Variants in PTPRG observed in about 807,000 individuals in gnomAD.
The protein encoded by PTPRG is receptor-type tyrosine-protein phosphatase gamma.
Under a neutral mutation model 165.3 loss-of-function variants are expected in PTPRG, and 102 were observed. The observed-to-expected ratio is 0.62, with a 90% CI of 0.53 to 0.73. The LOEUF (loss-of-function observed/expected upper bound fraction) is 0.73. Among genes scored for constraint, PTPRG ranks in the 30% least tolerant of loss-of-function variants. The pLI, the probability that PTPRG is intolerant of heterozygous loss-of-function variation, is 0.00. For synonymous variants in PTPRG, 675 were observed against 669.5 expected (o/e 1.01, Z -0.13); for missense variants, 1,866 against 1,861.4 (o/e 1.00, Z -0.05).
chr3:61,820,022 A>C (rs925190759), intron 2 of PTPRG, among the ~76,000 whole-genome samples: 5 of 152,220 alleles, frequency 3.3e-5, no homozygotes, highest in Admixed American at 3.3e-4. Flanking sequence ...AAAAGAATAC[A>C]TTGGAGAAAA....
intron 2 of PTPRG, among the ~76,000 whole-genome samples, chr3:61,907,464 G>C (rs2038684679): frequency 6.6e-6 from 1 of 152,130 alleles, no homozygotes; most frequent in Admixed American, 6.5e-5. Flanking sequence ...TGTCGAATTG[G>C]TACTCACGAT....
chr3:62,008,588 T>C (rs1056702567), intron 4 of PTPRG, among the ~76,000 whole-genome samples: 4 of 152,202 alleles, frequency 2.6e-5, no homozygotes, highest in Non-Finnish European at 5.9e-5. Context: ...TGTTTTAGAA[T>C]TCAGAATCTT....
chr3:61,567,799 C>T (rs1214427410), intron 1 of PTPRG, among the ~76,000 whole-genome samples: 1 of 151,746 alleles, frequency 6.6e-6, no homozygotes, highest in Non-Finnish European at 1.5e-5. Context: ...CCATGTGCAA[C>T]ATGGTGAGAC....
At chr3:62,077,510 T>C (rs1162289708) in intron 4 of PTPRG, among the ~76,000 whole-genome samples, 1 of 152,156 alleles carries the variant, frequency 6.6e-6, no homozygotes, top group African/African-American at 2.4e-5. Context: ...GGTTAGCTTT[T>C]TGCAAAAAGG....
At chr3:61,660,085 C>T (rs1039208318) in intron 1 of PTPRG, among the ~76,000 whole-genome samples, 44 of 151,978 alleles carry the variant, frequency 2.9e-4, no homozygotes, top group African/African-American at 1.5e-4. Context: ...ATTAGCTGGG[C>T]CTGGTGGTTT....
intron 4 of PTPRG, among the ~76,000 whole-genome samples, chr3:62,022,615 A>G (rs1394912176): frequency 6.6e-6 from 1 of 152,178 alleles, no homozygotes; most frequent in Non-Finnish European, 1.5e-5. Context: ...GTTCTTATGA[A>G]TGGGGATGGA....
At chr3:62,244,113 A>C (rs1701232284) in intron 15 of PTPRG, among the ~76,000 whole-genome samples, 1 of 152,238 alleles carries the variant, frequency 6.6e-6, no homozygotes, top group Non-Finnish European at 1.5e-5. Context: ...ACCGTACAAA[A>C]ACATTCTTAG....
intron 4 of PTPRG, among the ~76,000 whole-genome samples, chr3:62,017,098 C>G (rs2041564457): frequency 6.6e-6 from 1 of 152,174 alleles, no homozygotes; most frequent in Non-Finnish European, 1.5e-5. Context: ...GTCTGTCTGT[C>G]TACTGTTGAA....
intron 1 of PTPRG, among the ~76,000 whole-genome samples, chr3:61,661,070 A>G (rs1702648760): frequency 2.0e-5 from 3 of 151,648 alleles, no homozygotes; most frequent in African/African-American, 7.3e-5. Flanking sequence ...CCCTAATTAA[A>G]AATTTTTTTT....
chr3:62,018,606 T>A (rs2041608182), intron 4 of PTPRG, among the ~76,000 whole-genome samples: 3 of 152,202 alleles, frequency 2.0e-5, no homozygotes, highest in Non-Finnish European at 4.4e-5. Flanking sequence ...AATGGTAGTC[T>A]AAGGAAAGAG....
At chr3:62,204,798 C>A (rs895824162) in intron 12 of PTPRG, among the ~76,000 whole-genome samples, 2 of 152,166 alleles carry the variant, frequency 1.3e-5, no homozygotes, top group African/African-American at 4.8e-5. Flanking sequence ...GGCATGAGAT[C>A]CTCATCTCCT....
chr3:61,827,368 A>G (rs955734466), intron 2 of PTPRG, among the ~76,000 whole-genome samples: 2 of 152,214 alleles, frequency 1.3e-5, no homozygotes, highest in South Asian at 2.1e-4. Context: ...AAGGGTTTCA[A>G]TCTCACTTCC....
At chr3:61,991,441 G>C (rs1688959852) in intron 3 of PTPRG, among the ~76,000 whole-genome samples, 1 of 152,116 alleles carries the variant, frequency 6.6e-6, no homozygotes. Context: ...CCTGACCTCA[G>C]GTGATCTCCT....
At chr3:62,002,386 T>G (rs1434444427) in intron 3 of PTPRG, among the ~76,000 whole-genome samples, 2 of 152,184 alleles carry the variant, frequency 1.3e-5, no homozygotes, top group Non-Finnish European at 2.9e-5. Flanking sequence ...GTTTGGCACC[T>G]TACATGTGTT....
chr3:61,903,341 C>A (rs1211608312), intron 2 of PTPRG, among the ~76,000 whole-genome samples: 2 of 152,150 alleles, frequency 1.3e-5, no homozygotes, highest in Non-Finnish European at 2.9e-5. Context: ...GAATGCGATA[C>A]TGATACTGCA....
chr3:61,979,846 T>C (rs1264627429), intron 2 of PTPRG, among the ~76,000 whole-genome samples: 1 of 152,242 alleles, frequency 6.6e-6, no homozygotes, highest in African/African-American at 2.4e-5. Context: ...GTCTGCACCC[T>C]GTGAAGTGTT....
intron 2 of PTPRG, among the ~76,000 whole-genome samples, chr3:61,937,529 T>G (rs1167677856): frequency 7.2e-5 from 11 of 152,258 alleles, no homozygotes; most frequent in Non-Finnish European, 1.2e-4. Flanking sequence ...TGATCGTATT[T>G]TCATTATTTA....
intron 1 of PTPRG, among the ~76,000 whole-genome samples, chr3:61,563,541 G>C (rs373011508): frequency 3.9e-5 from 6 of 152,186 alleles, no homozygotes; most frequent in African/African-American, 9.7e-5. Flanking sequence ...GGAAGGGCTG[G>C]AAGAAGGGGT....
intron 2 of PTPRG, among the ~76,000 whole-genome samples, chr3:61,751,244 T>TG (rs2106924281): frequency 6.6e-6 from 1 of 152,288 alleles, no homozygotes; most frequent in Admixed American, 6.5e-5. Context: ...AAGTAAGAGT[T>TG]GGGGCCTGTT....
Sources: gnomAD v4.1 joint callset for allele counts (sites outside exome capture counted in the v4.1 genomes callset) on GRCh38, gnomAD v4.1.1 for gene constraint, MANE v1.5 for transcripts, NCBI Gene and HGNC (gene_info 2026-07-23, HGNC 2026-07-21) for gene names.